The following DLGAP2 variants were observed in gnomAD, a reference collection of about 807,000 sequenced individuals.
The protein encoded by DLGAP2 is disks large-associated protein 2.
A neutral mutation model predicts 100.3 loss-of-function variants in DLGAP2; 26 were observed. That is an observed-to-expected ratio of 0.26 (90% CI 0.19 to 0.36). DLGAP2 has a LOEUF of 0.36. DLGAP2 is among the 10% of genes least tolerant of loss of function. The pLI is 1.00. For missense variants in DLGAP2, 1,858 were observed against 1,453.2 expected, an observed-to-expected ratio of 1.28 and a Z score of -4.53; for synonymous variants, 886 against 630.1, an observed-to-expected ratio of 1.41 and a Z score of -6.08.
rs190641706 is a variant in DLGAP2, at chr8:1,576,548, G to C, written c.1442+10654G>C. Among the ~76,000 whole-genome samples, 20 of 152,264 alleles carry C rather than the reference G, an allele frequency of 1.3e-4. No individual in the cohort carries two copies. The East Asian group carries it at 1.7e-3, about 13-fold the overall frequency. On this transcript the variant is annotated intron_variant, in intron 6 of 14. Coordinates refer to ENST00000637795, the MANE Select transcript of DLGAP2 (RefSeq NM_001346810.2). ...CTACACATGAAGTCCTTGCCCATGC[G>C]TATGTCCTGAATGATAATGCCTAGG... is the stretch of plus-strand genomic sequence containing the variant.
chr8:1,063,381 C>G (rs1032345547), intron 2 of DLGAP2, among the ~76,000 whole-genome samples: 2 of 152,104 alleles, frequency 1.3e-5, no homozygotes, highest in East Asian at 3.9e-4. Context: ...CCCGAGGTCT[C>G]GGGGTTGTAC....
chr8:815,942 T>G (rs901074714), intron 1 of DLGAP2, among the ~76,000 whole-genome samples: 4 of 152,212 alleles, frequency 2.6e-5, no homozygotes, highest in African/African-American at 7.2e-5. Flanking sequence ...GTTGGACTAG[T>G]CCTTTTTTCA....
chr8:1,348,650 G>C (rs1413489457), intron 3 of DLGAP2, among the ~76,000 whole-genome samples: 1 of 152,224 alleles, frequency 6.6e-6, no homozygotes, highest in African/African-American at 2.4e-5. Flanking sequence ...GAGCTGCATT[G>C]CTCTCATGGT....
intron 2 of DLGAP2, among the ~76,000 whole-genome samples, chr8:954,549 G>A (rs557862389): frequency 6.6e-6 from 1 of 152,302 alleles, no homozygotes; most frequent in South Asian, 2.1e-4. Context: ...ATGAACTGCA[G>A]CTTCATACAT....
intron 3 of DLGAP2, among the ~76,000 whole-genome samples, chr8:1,436,064 G>C (rs995676105): frequency 2.6e-5 from 4 of 152,124 alleles, no homozygotes; most frequent in African/African-American, 9.7e-5. Flanking sequence ...GGGTTCTCTA[G>C]AGGGACAGGA....
At chr8:875,494 C>T (rs935627456) in intron 1 of DLGAP2, among the ~76,000 whole-genome samples, 1 of 152,156 alleles carries the variant, frequency 6.6e-6, no homozygotes, top group Non-Finnish European at 1.5e-5. Flanking sequence ...CCCTTTCCCT[C>T]GGCTCTCATT....
intron 2 of DLGAP2, among the ~76,000 whole-genome samples, chr8:1,070,283 G>A (rs955845661): frequency 1.3e-5 from 2 of 152,136 alleles, no homozygotes; most frequent in Non-Finnish European, 2.9e-5. Context: ...GGGCAGCTGC[G>A]AGAAGCCACA....
In DLGAP2 at chr8:1,703,335, A is replaced by T. The variant is rs1799624554; in HGVS notation, c.*1929A>T. On this transcript the variant is annotated 3_prime_UTR_variant, in exon 15 of 15. Transcript: ENST00000637795. The stretch of plus-strand genomic sequence containing the variant: ...AAATCCCTGAAATATTCTTCTATAA[A>T]TGAATCCTATTTCCCCAGAGTGTTC... The T allele has an allele frequency of 1.3e-5, 2 of 152,748 alleles. No individual in the cohort carries two copies. The highest frequency in any genetic ancestry group is 2.9e-5 in the Non-Finnish European group (2 of 68,026). The allele number at this position is 152,748 out of a possible 1,614,324, so 9.5% of individuals were successfully genotyped here. A position where few individuals can be genotyped will look rare whatever the true frequency, so the allele number is the denominator to read the frequency against.
At chr8:1,576,358 C>T (rs990500509) in intron 6 of DLGAP2, among the ~76,000 whole-genome samples, 1 of 152,084 alleles carries the variant, frequency 6.6e-6, no homozygotes, top group Non-Finnish European at 1.5e-5. Flanking sequence ...TTTGTAGATT[C>T]TGGATATTAG....
chr8:956,809 T>G (rs1282686259), intron 2 of DLGAP2, among the ~76,000 whole-genome samples: 1 of 152,248 alleles, frequency 6.6e-6, no homozygotes, highest in Admixed American at 6.5e-5. Context: ...TTAGTGCACA[T>G]GTGTCACTGT....
rs148966805 is a variant in DLGAP2 at position 1,213,747 on chromosome 8, A to T, written c.74-45104A>T. 7.0e-4 allele frequency among the ~76,000 whole-genome samples: 107 copies of T among 152,266 alleles called. 3 individuals are homozygous for T. In the East Asian group the frequency reaches 0.019, roughly 26 times the overall value. On this transcript the variant is annotated intron_variant, in intron 2 of 14. Transcript: ENST00000637795. ...GGATGTCGGGGACCAAGGGCTTTCC[A>T]TGAAGTGCTTTCTGGACACCAGCAT... is the stretch of plus-strand genomic sequence containing the variant.
chr8:950,622 CTTTTTTT>C (rs34631994), intron 2 of DLGAP2, among the ~76,000 whole-genome samples: 14 of 130,514 alleles, frequency 1.1e-4, no homozygotes, highest in African/African-American at 2.6e-4. Context: ...TTTTCTTTTT[CTTTTTTT>C]TTTTTTTTTT....
At chr8:847,660 C>T (rs950961891) in intron 1 of DLGAP2, among the ~76,000 whole-genome samples, 1 of 152,100 alleles carries the variant, frequency 6.6e-6, no homozygotes, top group Non-Finnish European at 1.5e-5. Context: ...GCGCACGCAA[C>T]CACACCTGGC....
At chr8:924,213 T>C (rs549247861) in intron 2 of DLGAP2, among the ~76,000 whole-genome samples, 2 of 152,300 alleles carry the variant, frequency 1.3e-5, no homozygotes, top group African/African-American at 4.8e-5. Context: ...TGATTATGTC[T>C]TGAAGGAGGT....
intron 2 of DLGAP2, among the ~76,000 whole-genome samples, chr8:1,219,322 A>G (rs894107352): frequency 1.3e-5 from 2 of 152,212 alleles, no homozygotes; most frequent in African/African-American, 4.8e-5. Flanking sequence ...GGTTTTTAAC[A>G]TGAAAGGATG....
chr8:1,276,264 A>G (rs1799694215), intron 3 of DLGAP2, among the ~76,000 whole-genome samples: 1 of 151,812 alleles, frequency 6.6e-6, no homozygotes. Flanking sequence ...AACCTAAAAA[A>G]TCATGATAGC....
At chr8:840,954 C>A (rs142091294) in intron 1 of DLGAP2, among the ~76,000 whole-genome samples, 1 of 152,212 alleles carries the variant, frequency 6.6e-6, no homozygotes, top group Admixed American at 6.5e-5. Context: ...CATCCAGGGA[C>A]GCTGTGTCTA....
chr8:883,750 T>A (rs775582244), intron 1 of DLGAP2, among the ~76,000 whole-genome samples: 1 of 152,256 alleles, frequency 6.6e-6, no homozygotes, highest in Non-Finnish European at 1.5e-5. Flanking sequence ...CTGTGGTGGT[T>A]TGCTGCACCT....
intron 3 of DLGAP2, among the ~76,000 whole-genome samples, chr8:1,285,883 A>G (rs1204930109): frequency 2.0e-5 from 3 of 152,234 alleles, no homozygotes; most frequent in African/African-American, 7.2e-5. Context: ...ACCTGAGCCC[A>G]GAAGGTTGAG....
Sources: gnomAD v4.1 joint callset for allele counts (sites outside exome capture counted in the v4.1 genomes callset) on GRCh38, gnomAD v4.1.1 for gene constraint, MANE v1.5 for transcripts, NCBI Gene and HGNC (gene_info 2026-07-23, HGNC 2026-07-21) for gene names.